Variants in MACROD2 observed in about 807,000 individuals in gnomAD.
MACROD2 encodes the protein ADP-ribose glycohydrolase MACROD2.
A neutral mutation model predicts 70.4 loss-of-function variants in MACROD2; 36 were observed. The observed-to-expected ratio is 0.51, with a 90% CI of 0.39 to 0.68. The LOEUF is 0.68. MACROD2 is among the 30% of genes least tolerant of loss of function. The probability of loss-of-function intolerance (pLI) is 0.00; values close to 1 mark genes in which losing one functional copy is unlikely to be tolerated. For synonymous variants in MACROD2, 172 were observed against 178.8 expected (o/e 0.96, Z 0.30); for missense variants, 496 against 538.4 (o/e 0.92, Z 0.78).
At chr20:16,043,938 TGG>T (rs2067341827) in intron 16 of MACROD2, among the ~76,000 whole-genome samples, 1 of 152,100 alleles carries the variant, frequency 6.6e-6, no homozygotes, top group Non-Finnish European at 1.5e-5. Context: ...CCCAAAAATC[TGG>T]TCTGAAGTGA....
At chr20:14,569,239 G>T (rs1443655349) in intron 4 of MACROD2, among the ~76,000 whole-genome samples, 1 of 151,914 alleles carries the variant, frequency 6.6e-6, no homozygotes, top group Admixed American at 6.6e-5. Flanking sequence ...AGACAAAATA[G>T]CATACAGGGA....
chr20:14,991,236 A>G (rs2074901321), intron 5 of MACROD2, among the ~76,000 whole-genome samples: 1 of 152,060 alleles, frequency 6.6e-6, no homozygotes, highest in African/African-American at 2.4e-5. Context: ...CCCATTTCCC[A>G]ACTGTTTGAC....
chr20:14,079,129 TTC>T (rs549676142), intron 2 of MACROD2, among the ~76,000 whole-genome samples: 2 of 152,258 alleles, frequency 1.3e-5, no homozygotes, highest in Non-Finnish European at 1.5e-5. Context: ...CAGATAGTTT[TTC>T]TTTTACTCTG....
intron 8 of MACROD2, among the ~76,000 whole-genome samples, chr20:15,592,709 C>G (rs2048695176): frequency 6.6e-6 from 1 of 152,092 alleles, no homozygotes; most frequent in African/African-American, 2.4e-5. Flanking sequence ...ATTTATATTC[C>G]CATAGCAAAG....
chr20:14,087,103 T>A (rs1005141183), intron 3 of MACROD2, among the ~76,000 whole-genome samples: 1 of 152,084 alleles, frequency 6.6e-6, no homozygotes, highest in Non-Finnish European at 1.5e-5. Context: ...TAGAATTGGG[T>A]ATCAGTTACA....
chr20:15,481,204 C>T (rs924045739), intron 7 of MACROD2, among the ~76,000 whole-genome samples: 20 of 152,168 alleles, frequency 1.3e-4, no homozygotes, highest in African/African-American at 3.4e-4. Flanking sequence ...TAGAAGATGC[C>T]ATGTAAGATA....
intron 5 of MACROD2, among the ~76,000 whole-genome samples, chr20:14,934,300 A>G (rs1239868623): frequency 2.0e-5 from 3 of 152,172 alleles, no homozygotes; most frequent in African/African-American, 7.2e-5. Context: ...TTCTAGACAC[A>G]TAATAAAGCA....
At chr20:15,150,679 G>C (rs902044828) in intron 5 of MACROD2, among the ~76,000 whole-genome samples, 4 of 151,852 alleles carry the variant, frequency 2.6e-5, no homozygotes, top group Non-Finnish European at 1.5e-5. Flanking sequence ...GGGTTAAGGT[G>C]GGGGGATACA....
chr20:15,236,126 C>CT (rs1388316971), intron 6 of MACROD2, among the ~76,000 whole-genome samples: 1 of 152,238 alleles, frequency 6.6e-6, no homozygotes, highest in African/African-American at 2.4e-5. Flanking sequence ...TTCAAATTCT[C>CT]TAACTTGCTG....
At chr20:15,830,808 T>C (rs111665487) in intron 8 of MACROD2, among the ~76,000 whole-genome samples, 6 of 152,344 alleles carry the variant, frequency 3.9e-5, no homozygotes, top group African/African-American at 1.4e-4. Flanking sequence ...ATCAAGCTAT[T>C]TGCAAACAAA....
intron 2 of MACROD2, among the ~76,000 whole-genome samples, chr20:14,007,230 G>A (rs1001860325): frequency 4.6e-5 from 7 of 152,028 alleles, no homozygotes; most frequent in East Asian, 1.9e-4. Context: ...TATGCAGTAC[G>A]GTTTATAAAG....
intron 3 of MACROD2, among the ~76,000 whole-genome samples, chr20:14,334,806 T>A (rs1368401125): frequency 3.6e-4 from 53 of 147,802 alleles, no homozygotes; most frequent in South Asian, 2.1e-4. Context: ...TTTTTTTTTT[T>A]AAATAAATGG....
intron 15 of MACROD2, among the ~76,000 whole-genome samples, chr20:16,033,121 T>C (rs1004894065): frequency 2.6e-5 from 4 of 152,112 alleles, no homozygotes; most frequent in African/African-American, 9.7e-5. Context: ...AAAGTTTTTA[T>C]ATGGAATCTG....
chr20:14,916,073 GA>G (rs1191083461), intron 5 of MACROD2, among the ~76,000 whole-genome samples: 1 of 152,182 alleles, frequency 6.6e-6, no homozygotes, highest in Non-Finnish European at 1.5e-5. Context: ...TGTTTGCAGT[GA>G]AAATGCAAAA....
At chr20:14,703,498 C>T (rs2071231578) in intron 5 of MACROD2, among the ~76,000 whole-genome samples, 1 of 152,138 alleles carries the variant, frequency 6.6e-6, no homozygotes, top group Non-Finnish European at 1.5e-5. Context: ...GGCTGAGAGC[C>T]AAGAGACTTG....
chr20:14,205,190 A>G (rs1393807521), intron 3 of MACROD2, among the ~76,000 whole-genome samples: 3 of 152,190 alleles, frequency 2.0e-5, no homozygotes, highest in Non-Finnish European at 4.4e-5. Flanking sequence ...AGTGACCTCA[A>G]TAATCTCTCA....
At chr20:15,581,372 G>T (rs528733902) in intron 8 of MACROD2, among the ~76,000 whole-genome samples, 1 of 152,234 alleles carries the variant, frequency 6.6e-6, no homozygotes, top group East Asian at 1.9e-4. Flanking sequence ...CAATTATTTG[G>T]TCTTTTTAAA....
chr20:14,269,145 T>C (rs2082169126), intron 3 of MACROD2, among the ~76,000 whole-genome samples: 1 of 152,168 alleles, frequency 6.6e-6, no homozygotes, highest in Non-Finnish European at 1.5e-5. Context: ...CATTGCCTTA[T>C]TGTGTGTGTG....
chr20:14,867,598 A>G (rs1453125066), intron 5 of MACROD2, among the ~76,000 whole-genome samples: 2 of 152,102 alleles, frequency 1.3e-5, no homozygotes, highest in East Asian at 3.9e-4. Context: ...TTCTATCTAC[A>G]TCTGCCATGT....
Sources: gnomAD v4.1 joint callset for allele counts (sites outside exome capture counted in the v4.1 genomes callset) on GRCh38, gnomAD v4.1.1 for gene constraint, MANE v1.5 for transcripts, NCBI Gene and HGNC (gene_info 2026-07-23, HGNC 2026-07-21) for gene names.